Variants in CALN1 observed in about 807,000 individuals in gnomAD.
CALN1 encodes calcium-binding protein 8.
Under a neutral mutation model 30.6 loss-of-function variants are expected in CALN1, and 17 were observed. The observed-to-expected ratio is 0.56, with a 90% CI of 0.38 to 0.83. The LOEUF is 0.83. CALN1 is among the 40% of genes least tolerant of loss of function. The pLI, the probability that CALN1 is intolerant of heterozygous loss-of-function variation, is 0.00. For synonymous variants in CALN1, 156 were observed against 131.4 expected (o/e 1.19, Z -1.28); for missense variants, 291 against 354.9 (o/e 0.82, Z 1.45).
intron 5 of CALN1, among the ~76,000 whole-genome samples, chr7:71,953,975 A>AACC (rs1796830279): frequency 6.6e-6 from 1 of 152,206 alleles, no homozygotes; most frequent in South Asian, 2.1e-4. Flanking sequence ...AAGAAAAGAG[A>AACC]ACCTGAGAAT....
At position 71,783,593 on chromosome 7, in the gene CALN1, T is replaced by C. The variant is rs922571484; in HGVS notation, c.*4182A>G. Reference sequence around the variant, plus strand: ...CAAACCAGGGAGCTGTCCTGGGTGGTTGCATCCTTCATTTTCTGTCCATGC... The same window carrying C: ...CAAACCAGGGAGCTGTCCTGGGTGGCTGCATCCTTCATTTTCTGTCCATGC... On this transcript the variant is annotated 3_prime_UTR_variant, in exon 7 of 7. Coordinates refer to ENST00000395275, the MANE Select transcript of CALN1 (RefSeq NM_031468.4). 5 of 152,590 alleles carry C rather than the reference T, an allele frequency of 3.3e-5. No individual in the cohort carries two copies. Among genetic ancestry groups the C allele is most frequent in the South Asian group, 2.1e-4 (1 of 4,820 alleles). 9.5% of individuals were successfully genotyped at this position (152,590 alleles called of 1,614,324 possible). A position where few individuals can be genotyped will look rare whatever the true frequency, so the allele number is the denominator to read the frequency against.
At chr7:72,079,845 A>G (rs1182475461) in intron 4 of CALN1, among the ~76,000 whole-genome samples, 1 of 137,456 alleles carries the variant, frequency 7.3e-6, no homozygotes, top group Non-Finnish European at 1.5e-5. Context: ...ATCTCGGCTC[A>G]CTGCAGCCTC....
intron 6 of CALN1, among the ~76,000 whole-genome samples, chr7:71,802,024 A>C (rs1787342837): frequency 6.6e-6 from 1 of 151,886 alleles, no homozygotes; most frequent in African/African-American, 2.4e-5. Context: ...CAAAACCCGC[A>C]ATTACTTGTG....
At chr7:71,849,159 T>C (rs1015556585) in intron 5 of CALN1, among the ~76,000 whole-genome samples, 1 of 152,212 alleles carries the variant, frequency 6.6e-6, no homozygotes, top group African/African-American at 2.4e-5. Flanking sequence ...AATCTATGTG[T>C]GGCTTATTTT....
intron 3 of CALN1, among the ~76,000 whole-genome samples, chr7:72,179,343 T>G (rs189957371): frequency 6.6e-6 from 1 of 152,330 alleles, no homozygotes; most frequent in South Asian, 2.1e-4. Context: ...TTTTTTTGAC[T>G]GTTCCCATCT....
At chr7:72,404,372 TAATC>T (rs1258942884) in intron 1 of CALN1, among the ~76,000 whole-genome samples, 1 of 152,190 alleles carries the variant, frequency 6.6e-6, no homozygotes, top group South Asian at 2.1e-4. Context: ...AACACACAGT[TAATC>T]AATGTCAGTT....
At chr7:72,024,708 C>A (rs550951871) in intron 4 of CALN1, among the ~76,000 whole-genome samples, 1 of 152,024 alleles carries the variant, frequency 6.6e-6, no homozygotes. Flanking sequence ...CTGAACAGCA[C>A]CTTTGACTGA....
At chr7:72,380,145 TAGTC>T (rs1286971488) in intron 2 of CALN1, among the ~76,000 whole-genome samples, 5 of 152,146 alleles carry the variant, frequency 3.3e-5, no homozygotes, top group African/African-American at 9.7e-5. Flanking sequence ...GAAAATCCAA[TAGTC>T]AGACAAAGAG....
At chr7:72,080,323 GCCT>G (rs1167789421) in intron 4 of CALN1, among the ~76,000 whole-genome samples, 1 of 152,110 alleles carries the variant, frequency 6.6e-6, no homozygotes, top group East Asian at 1.9e-4. Flanking sequence ...CTGTTCTCCT[GCCT>G]CCTCACTCCG....
chr7:72,270,786 A>G (rs1164972731), intron 3 of CALN1, among the ~76,000 whole-genome samples: 2 of 152,174 alleles, frequency 1.3e-5, no homozygotes, highest in African/African-American at 4.8e-5. Flanking sequence ...AAAATAAACA[A>G]AAAAAGAAGT....
chr7:72,365,288 G>C (rs1803813318), intron 2 of CALN1, among the ~76,000 whole-genome samples: 1 of 152,066 alleles, frequency 6.6e-6, no homozygotes, highest in South Asian at 2.1e-4. Context: ...ATAAAAAGTT[G>C]TGCCACTGCA....
At chr7:72,253,257 A>C (rs1290965241) in intron 3 of CALN1, among the ~76,000 whole-genome samples, 2 of 152,236 alleles carry the variant, frequency 1.3e-5, no homozygotes, top group Non-Finnish European at 2.9e-5. Context: ...TTTTATGAAA[A>C]TGTACCAAAT....
At chr7:72,249,735 G>T (rs1235363175) in intron 3 of CALN1, among the ~76,000 whole-genome samples, 1 of 152,110 alleles carries the variant, frequency 6.6e-6, no homozygotes. Flanking sequence ...TCAGGAGTTC[G>T]AGACCAGCCT....
chr7:72,174,064 TAAAG>T (rs1050930930), intron 3 of CALN1, among the ~76,000 whole-genome samples: 2 of 151,770 alleles, frequency 1.3e-5, no homozygotes, highest in Non-Finnish European at 2.9e-5. Context: ...CTAGTATATA[TAAAG>T]AATTTATATA....
At chr7:72,403,487 G>T in intron 1 of CALN1, 45 bp from the exon 2 acceptor site, 3 of 710,808 alleles carry the variant, frequency 4.2e-6, no homozygotes, top group South Asian at 2.5e-5. Context: ...AGTGCTGGGC[G>T]ATTATTCTTC....
At chr7:71,904,669 T>C (rs1311789818) in intron 5 of CALN1, among the ~76,000 whole-genome samples, 1 of 152,116 alleles carries the variant, frequency 6.6e-6, no homozygotes, top group South Asian at 2.1e-4. Context: ...GATAGTATTC[T>C]AAAAAAATGC....
chr7:71,799,454 G>T (rs77777881), intron 6 of CALN1, among the ~76,000 whole-genome samples: 14,112 of 113,452 alleles, frequency 0.12, 887 homozygotes, highest in East Asian at 0.39. Context: ...TATTTATTTA[G>T]TTAGTTAGTT....
At chr7:71,891,393 G>T (rs1007086064) in intron 5 of CALN1, among the ~76,000 whole-genome samples, 4 of 152,260 alleles carry the variant, frequency 2.6e-5, no homozygotes, top group African/African-American at 9.6e-5. Flanking sequence ...ATGTTCAAGG[G>T]AGCCTTGTTC....
intron 5 of CALN1, among the ~76,000 whole-genome samples, chr7:71,992,073 T>G (rs1042412925): frequency 6.6e-6 from 1 of 151,950 alleles, no homozygotes; most frequent in African/African-American, 2.4e-5. Flanking sequence ...TGAAAGCACA[T>G]CAGGGAAGAC....
Sources: allele counts gnomAD v4.1 joint callset (sites outside exome capture counted in the v4.1 genomes callset), GRCh38; gene constraint gnomAD v4.1.1; transcripts MANE v1.5; gene names NCBI Gene and HGNC (gene_info 2026-07-23, HGNC 2026-07-21).